FAM161A: variants seen among roughly 807,000 people sequenced by gnomAD.
FAM161A encodes the protein protein FAM161A.
FAM161A carries 57 observed loss-of-function variants against 70.9 expected under a neutral mutation model. That is an observed-to-expected ratio of 0.80 (90% CI 0.65 to 1.00). The LOEUF is 1.00. FAM161A is among the 50% of genes least tolerant of loss of function. The probability of loss-of-function intolerance (pLI) is 0.00; values close to 1 mark genes in which losing one functional copy is unlikely to be tolerated. For synonymous variants in FAM161A, 299 were observed against 295.7 expected, an observed-to-expected ratio of 1.01 and a Z score of -0.12; for missense variants, 880 against 836.0, an observed-to-expected ratio of 1.05 and a Z score of -0.65.
chr2:61,817,200 T>A, the FAM161A span, among the ~76,000 whole-genome samples: 2 of 152,286 alleles, frequency 1.3e-5, no homozygotes, highest in South Asian at 4.1e-4. Flanking sequence ...CCCCTCAGGT[T>A]GTGTGTGCCC....
the FAM161A span, among the ~76,000 whole-genome samples, chr2:61,804,647 T>G: frequency 6.8e-6 from 1 of 147,522 alleles, no homozygotes; most frequent in African/African-American, 2.5e-5. Flanking sequence ...ATTGCAACAC[T>G]GCACTCCAGC....
At chr2:61,804,998 C>A in the FAM161A span, among the ~76,000 whole-genome samples, 1 of 151,924 alleles carries the variant, frequency 6.6e-6, no homozygotes, top group Admixed American at 6.6e-5. Flanking sequence ...CTCTGACTGC[C>A]ATTTTTTTTT....
chr2:61,828,157 A>G (rs1046801561), intron 5 of FAM161A, among the ~76,000 whole-genome samples: 20 of 152,066 alleles, frequency 1.3e-4, no homozygotes, highest in Non-Finnish European at 1.6e-4. Flanking sequence ...AATGGCACAT[A>G]GGGTTTTTGG....
intron 1 of FAM161A, among the ~76,000 whole-genome samples, chr2:61,848,613 A>G (rs1673316183): frequency 6.6e-6 from 1 of 151,072 alleles, no homozygotes; most frequent in Admixed American, 6.7e-5. Flanking sequence ...TTGCTTTATT[A>G]GTAATCAGCA....
rs1558491384 is a variant in FAM161A, at chr2:61,848,827, TCTATATATATTTA to T, written c.183+5019_183+5031del. 2.0e-3 allele frequency among the ~76,000 whole-genome samples: 20 copies of T among 10,016 alleles called. 5 individuals are homozygous for T. The highest frequency in any genetic ancestry group is 0.018 in the South Asian group (3 of 164). The allele number at this position is 10,016 out of a possible 152,430, so 6.6% of individuals were successfully genotyped here. A position where few individuals can be genotyped will look rare whatever the true frequency, so the allele number is the denominator to read the frequency against. The stretch of plus-strand genomic sequence containing the variant: ...CTATATATATATTTATATATATATA[TCTATATATATTTA>T]TATATATATTTATATATATATTTAT... On this transcript the variant is annotated intron_variant, in intron 1 of 6. Coordinates refer to ENST00000404929, the MANE Select transcript of FAM161A (RefSeq NM_001201543.2).
chr2:61,831,178 T>G (rs1161113006), intron 5 of FAM161A, among the ~76,000 whole-genome samples: 1 of 152,048 alleles, frequency 6.6e-6, no homozygotes, highest in African/African-American at 2.4e-5. Context: ...GCTGCATATG[T>G]GTTCAATATT....
At chr2:61,850,819 C>T (rs1402702801) in intron 1 of FAM161A, among the ~76,000 whole-genome samples, 3 of 152,116 alleles carry the variant, frequency 2.0e-5, no homozygotes, top group Admixed American at 6.5e-5. Flanking sequence ...TATTTTTAAT[C>T]ATTATAGGCT....
At chr2:61,850,762 T>C (rs1388846239) in intron 1 of FAM161A, among the ~76,000 whole-genome samples, 1 of 152,104 alleles carries the variant, frequency 6.6e-6, no homozygotes, top group Non-Finnish European at 1.5e-5. Flanking sequence ...CAAAAAATAA[T>C]AAATAAAAAG....
the FAM161A span, among the ~76,000 whole-genome samples, chr2:61,808,526 C>G: frequency 6.6e-6 from 1 of 152,184 alleles, no homozygotes; most frequent in African/African-American, 2.4e-5. Context: ...CCCTCCTTGG[C>G]CTCCCAAAGT....
chr2:61,826,243 C>T lies in FAM161A; in HGVS notation c.*212G>A, dbSNP rs1229254612. 2.9e-6 allele frequency: 2 copies of T among 685,952 alleles called. No homozygotes were observed. The highest frequency in any genetic ancestry group is 5.3e-6 in the Non-Finnish European group (2 of 376,952). The allele number at this position is 685,952 out of a possible 1,614,324, so 42.5% of individuals were successfully genotyped here. ...ATCATAGTTGCAAACAGATAATACA[C>T]AATGATTTTTAAAACTGAATAGGCA... On this transcript the variant is annotated 3_prime_UTR_variant, in exon 7 of 7. Transcript: ENST00000404929.
chr2:61,846,913 G>T (rs1419140499), intron 1 of FAM161A: 3 of 454,966 alleles, frequency 6.6e-6, no homozygotes, highest in Non-Finnish European at 1.3e-5. Flanking sequence ...AGGCACAGTG[G>T]TTCATGCCTG....
downstream of FAM161A, among the ~76,000 whole-genome samples, chr2:61,823,387 T>TATATATATATATATA (rs1558470717): frequency 1.8e-5 from 2 of 110,846 alleles, no homozygotes; most frequent in African/African-American, 6.7e-5. Context: ...ATATATATAT[T>TATATATATATATATA]GAGTCAGGGT....
chr2:61,838,757 T>A (rs1414603961), intron 3 of FAM161A, 52 bp from the exon 4 acceptor site: 5 of 1,332,514 alleles, frequency 3.8e-6, no homozygotes, highest in Non-Finnish European at 2.0e-6. Flanking sequence ...CAGAATGTTG[T>A]TTAGCAAAGA....
the FAM161A span, among the ~76,000 whole-genome samples, chr2:61,804,683 G>A: frequency 2.0e-5 from 3 of 148,850 alleles, no homozygotes; most frequent in African/African-American, 7.4e-5. Context: ...AGACTCTGCT[G>A]AAAGAGAGAA....
chr2:61,820,139 C>G (rs1240193292), downstream of FAM161A: 13 of 474,044 alleles, frequency 2.7e-5, no homozygotes, highest in East Asian at 5.0e-4. Flanking sequence ...TAATAGACAC[C>G]CACCTTCTGT....
chr2:61,853,860 G>T lies in FAM161A; in HGVS notation c.182C>A (p.Ser61Ter). Reference protein sequence around the residue: ...EEKVAQPAGASADLNTSFSGV... With the variant: ...EEKVAQPAGA Reference sequence around the variant, plus strand: ...GCCCAAGTCCCGCCCCAGTATTACCGATGCCCCAGCGGGCTGAGCCACTTT... The same window carrying T: ...GCCCAAGTCCCGCCCCAGTATTACCTATGCCCCAGCGGGCTGAGCCACTTT... The change falls in exon 1 of 7, where the codon TCG becomes TAG. Residue 61 changes from serine to a stop codon, truncating the protein, a stop_gained and splice_region_variant. Coordinates refer to ENST00000404929, the MANE Select transcript of FAM161A (RefSeq NM_001201543.2). LOFTEE classifies it high-confidence loss of function. The T allele has an allele frequency of 6.2e-7, 1 of 1,613,874 alleles. No homozygotes were observed. Among genetic ancestry groups the T allele is most frequent in the Non-Finnish European group, 8.5e-7 (1 of 1,179,808 alleles).
the FAM161A span, among the ~76,000 whole-genome samples, chr2:61,819,592 A>G: frequency 1.3e-5 from 2 of 152,184 alleles, no homozygotes; most frequent in Admixed American, 6.5e-5. Flanking sequence ...CATTATCTTC[A>G]GTGGACTGTT....
At chr2:61,824,791 T>C (rs1013813545), downstream of FAM161A, 4 of 319,346 alleles carry the variant, frequency 1.3e-5, no homozygotes, top group East Asian at 1.6e-4. Flanking sequence ...AGGAGGGAAA[T>C]GTTTTTAATC....
chr2:61,817,061 G>T, the FAM161A span, among the ~76,000 whole-genome samples: 1 of 152,148 alleles, frequency 6.6e-6, no homozygotes, highest in Non-Finnish European at 1.5e-5. Context: ...AAGAAATAAA[G>T]CTTTACCAAG....
Sources: gnomAD v4.1 joint callset for allele counts (sites outside exome capture counted in the v4.1 genomes callset) on GRCh38, gnomAD v4.1.1 for gene constraint, MANE v1.5 for transcripts, NCBI Gene and HGNC (gene_info 2026-07-23, HGNC 2026-07-21) for gene names.